DECR1: variants seen among roughly 807,000 people sequenced by gnomAD.
The protein encoded by DECR1 is 2,4-dienoyl-CoA reductase [(3E)-enoyl-CoA-producing], mitochondrial.
A neutral mutation model predicts 38.8 loss-of-function variants in DECR1; 44 were observed. That is an observed-to-expected ratio of 1.13 (90% CI 0.89 to 1.46). The LOEUF is 1.46. DECR1 is among the 40% of genes most tolerant of loss of function. DECR1 has a pLI of 0.00. For synonymous variants in DECR1, 148 were observed against 135.2 expected, an observed-to-expected ratio of 1.09 and a Z score of -0.66; for missense variants, 428 against 405.5, an observed-to-expected ratio of 1.06 and a Z score of -0.48.
intron 5 of DECR1, among the ~76,000 whole-genome samples, chr8:90,024,805 C>T (rs1813286245): frequency 6.6e-6 from 1 of 152,128 alleles, no homozygotes; most frequent in African/African-American, 2.4e-5. Flanking sequence ...ATGCCTATGT[C>T]CTGAATGGTA....
At chr8:90,050,182 C>G (rs1311755987) in intron 8 of DECR1, among the ~76,000 whole-genome samples, 1 of 152,156 alleles carries the variant, frequency 6.6e-6, no homozygotes, top group African/African-American at 2.4e-5. Flanking sequence ...CAAATGAGAT[C>G]TAATTAAACT....
At position 90,017,317 on chromosome 8, in the gene DECR1, T is replaced by C. The variant is rs1403877314; in HGVS notation, c.263T>C (p.Ile88Thr). The change falls in exon 2 of 10, where the codon ATA becomes ACA. Residue 88 changes from isoleucine (I) to threonine (T), a missense_variant. Ile to Thr is a moderately conservative substitution (Grantham distance 89). Transcript: ENST00000220764. Reference sequence around the variant, plus strand: ...TCCAGCCTAGGTGCTCAGTGCGTGATAGCCAGCCGGTAAGTCCCTTACATC... The same window carrying C: ...TCCAGCCTAGGTGCTCAGTGCGTGACAGCCAGCCGGTAAGTCCCTTACATC... The part of the protein sequence containing the change: ...LLSSLGAQCV[I>T]ASRKMDVLKA... The C allele has an allele frequency of 1.8e-5, 29 of 1,613,806 alleles. No homozygotes were observed. The highest frequency in any genetic ancestry group is 2.4e-5 in the Non-Finnish European group (28 of 1,179,936).
At chr8:90,033,216 A>G (rs1415236638) in intron 5 of DECR1, among the ~76,000 whole-genome samples, 2 of 152,234 alleles carry the variant, frequency 1.3e-5, no homozygotes, top group Admixed American at 6.6e-5. Flanking sequence ...TTTTGAAATT[A>G]GATCATAATC....
chr8:90,016,158 A>G (rs1367400529), intron 1 of DECR1, among the ~76,000 whole-genome samples: 2 of 152,220 alleles, frequency 1.3e-5, no homozygotes, highest in Non-Finnish European at 2.9e-5. Context: ...CTCCCATTTA[A>G]AATAAATAAC....
In DECR1 at chr8:90,043,545, A is replaced by G. The variant is rs1488406682; in HGVS notation, c.738+745A>G. On this transcript the variant is annotated intron_variant, in intron 7 of 9. Transcript: ENST00000220764. ...TGCCAACCAGATGTAATGTTGAAAG[A>G]CCAGGAAAAATTTGGTAACTTGTTT... Among the ~76,000 whole-genome samples the G allele has an allele frequency of 4.6e-5, 7 of 152,222 alleles. No individual in the cohort carries two copies. In the East Asian group the frequency reaches 1.3e-3, roughly 29 times the overall value.
intron 5 of DECR1, 108 bp from the exon 6 acceptor site, chr8:90,036,733 T>C: frequency 1.5e-6 from 1 of 670,746 alleles, no homozygotes; most frequent in Non-Finnish European, 2.4e-6. Flanking sequence ...AATACTTTAG[T>C]TTTTCTTATA....
chr8:90,018,980 C>G lies in DECR1; in HGVS notation c.330+14C>G, dbSNP rs1170814863. ...ACTGGAAATAAGGTACATTAAAAAT[C>G]AGTTATTTAATTTAGATTTAGGAAT... On this transcript the variant is annotated intron_variant, in intron 3 of 9. Transcript: ENST00000220764. 1 of 1,586,608 alleles carries G rather than the reference C, an allele frequency of 6.3e-7. No homozygotes were observed. The highest frequency in any genetic ancestry group is 1.1e-5 in the South Asian group (1 of 88,612).
chr8:90,001,695 G>A lies in DECR1; in HGVS notation c.69+134G>A, dbSNP rs574697104. ...GCAAAGAGAGAGGACAGGGCGTCCC[G>A]GGGGTTCGGGGAGCGAGGACAGGGC... On this transcript the variant is annotated intron_variant, in intron 1 of 9. Coordinates refer to ENST00000220764, the MANE Select transcript of DECR1 (RefSeq NM_001359.2). The A allele has an allele frequency of 5.8e-5, 45 of 775,752 alleles. 2 individuals are homozygous for A. In the South Asian group the frequency reaches 6.7e-4, roughly 12 times the overall value. The allele number at this position is 775,752 out of a possible 1,614,324, so 48.1% of individuals were successfully genotyped here.
intron 1 of DECR1, among the ~76,000 whole-genome samples, chr8:90,008,394 T>G (rs1586134457): frequency 6.6e-6 from 1 of 152,244 alleles, no homozygotes; most frequent in East Asian, 1.9e-4. Context: ...ATCTCTCATG[T>G]ACACTTAATG....
At chr8:90,047,202 T>C (rs2130171144) in intron 8 of DECR1, among the ~76,000 whole-genome samples, 1 of 152,230 alleles carries the variant, frequency 6.6e-6, no homozygotes, top group Non-Finnish European at 1.5e-5. Flanking sequence ...TAAATGTAAA[T>C]GGGCTAAATG....
intron 1 of DECR1, chr8:90,005,526 G>T: frequency 2.3e-6 from 1 of 437,928 alleles, no homozygotes; most frequent in African/African-American, 2.0e-5. Context: ...CTATCAGCTG[G>T]ATCTCCCGAA....
At chr8:90,031,574 A>G (rs774918757) in intron 5 of DECR1, among the ~76,000 whole-genome samples, 45 of 152,148 alleles carry the variant, frequency 3.0e-4, no homozygotes, top group Non-Finnish European at 5.9e-5. Context: ...TTTAAATGTT[A>G]TAGTCCTATT....
chr8:90,015,979 A>G (rs1812997071), intron 1 of DECR1, among the ~76,000 whole-genome samples: 1 of 152,228 alleles, frequency 6.6e-6, no homozygotes, highest in Non-Finnish European at 1.5e-5. Flanking sequence ...GGTGGTAACT[A>G]CTTAATGAAT....
At chr8:90,031,640 A>G (rs780310948) in intron 5 of DECR1, among the ~76,000 whole-genome samples, 1 of 152,194 alleles carries the variant, frequency 6.6e-6, no homozygotes, top group African/African-American at 2.4e-5. Context: ...GCTCTCATTG[A>G]AAAATGGCTC....
chr8:90,016,358 C>T (rs774177456), intron 1 of DECR1, among the ~76,000 whole-genome samples: 4 of 152,002 alleles, frequency 2.6e-5, no homozygotes, highest in East Asian at 1.9e-4. Flanking sequence ...TAAATTTGGT[C>T]GGGTGTGGTG....
chr8:90,048,119 A>G (rs1813959723), intron 8 of DECR1, among the ~76,000 whole-genome samples: 1 of 152,230 alleles, frequency 6.6e-6, no homozygotes, highest in Admixed American at 6.5e-5. Context: ...ATCACAATTA[A>G]AAGAACTAGA....
chr8:90,043,872 T>C (rs1813823324), intron 7 of DECR1, among the ~76,000 whole-genome samples: 3 of 152,182 alleles, frequency 2.0e-5, no homozygotes, highest in African/African-American at 4.8e-5. Flanking sequence ...ACACAAACGC[T>C]TCTCTCCAAG....
chr8:90,017,766 AT>A (rs1033964776), intron 2 of DECR1, among the ~76,000 whole-genome samples: 9 of 150,224 alleles, frequency 6.0e-5, no homozygotes, highest in East Asian at 1.9e-4. Flanking sequence ...CAAAAGAAAC[AT>A]TTTTTTTTTA....
At chr8:90,027,773 T>TA (rs1563638636) in intron 5 of DECR1, among the ~76,000 whole-genome samples, 21 of 151,626 alleles carry the variant, frequency 1.4e-4, no homozygotes, top group South Asian at 2.1e-4. Context: ...AGTTTTTTTT[T>TA]TAAAAAAAAA....
Sources: allele counts gnomAD v4.1 joint callset (sites outside exome capture counted in the v4.1 genomes callset), GRCh38; gene constraint gnomAD v4.1.1; transcripts MANE v1.5; gene names NCBI Gene and HGNC (gene_info 2026-07-23, HGNC 2026-07-21).